Variants in SRRM4 observed in about 807,000 individuals in gnomAD.
SRRM4 encodes the protein serine/arginine repetitive matrix protein 4.
A neutral mutation model predicts 68.9 loss-of-function variants in SRRM4; 33 were observed. The observed-to-expected ratio is 0.48, with a 90% CI of 0.36 to 0.64. SRRM4 has a LOEUF of 0.64. Ranked by LOEUF, SRRM4 falls within the 30% of genes least tolerant of loss-of-function variation. SRRM4 has a pLI of 0.00. For missense variants in SRRM4, 817 were observed against 827.1 expected (o/e 0.99, Z 0.15); for synonymous variants, 318 against 318.8 (o/e 1.00, Z 0.03).
chr12:119,033,178 G>A (rs77264397), intron 1 of SRRM4, among the ~76,000 whole-genome samples: 109 of 151,982 alleles, frequency 7.2e-4, no homozygotes, highest in African/African-American at 2.3e-3. Context: ...AAATGTTCAC[G>A]CTAAAACTTA....
intron 11 of SRRM4, among the ~76,000 whole-genome samples, 199 bp downstream of exon 11, chr12:119,153,848 C>T (rs1407433358): frequency 6.6e-6 from 1 of 152,068 alleles, no homozygotes. Context: ...TGTCTCCAGC[C>T]CAAACAGTCC....
intron 1 of SRRM4, among the ~76,000 whole-genome samples, chr12:119,012,129 G>A (rs1401498371): frequency 6.6e-6 from 1 of 152,190 alleles, no homozygotes; most frequent in Admixed American, 6.5e-5. Flanking sequence ...AAGAGGACCA[G>A]AGCTTTTCTT....
intron 1 of SRRM4, among the ~76,000 whole-genome samples, chr12:119,051,613 C>A (rs1295488926): frequency 1.3e-5 from 2 of 152,274 alleles, no homozygotes; most frequent in Admixed American, 6.5e-5. Flanking sequence ...AATTTGATGA[C>A]CCCAAATTTC....
intron 7 of SRRM4, among the ~76,000 whole-genome samples, chr12:119,127,724 G>A (rs1954270262): frequency 1.1e-5 from 1 of 87,738 alleles, no homozygotes; most frequent in African/African-American, 4.9e-5. Flanking sequence ...GTGAAAGTCT[G>A]TCTCAAAAAA....
intron 1 of SRRM4, among the ~76,000 whole-genome samples, chr12:119,088,361 A>G (rs1270606220): frequency 1.3e-5 from 2 of 152,184 alleles, no homozygotes; most frequent in African/African-American, 4.8e-5. Context: ...ACCCCCCTCA[A>G]CGGTGATTGG....
At chr12:119,145,781 A>G (rs984919111) in intron 9 of SRRM4, 96 bp downstream of exon 9, 2 of 1,097,784 alleles carry the variant, frequency 1.8e-6, no homozygotes, top group Admixed American at 3.6e-5. Flanking sequence ...CACCCCCAAG[A>G]TTATTTTATT....
Position 119,125,436 on chromosome 12 carries a change from C to T in SRRM4, c.571C>T (p.Arg191Trp), listed in dbSNP as rs377276368. 55 of 1,613,548 alleles carry T rather than the reference C, an allele frequency of 3.4e-5. No homozygotes were observed. Among genetic ancestry groups the T allele is most frequent in the South Asian group, 3.0e-4 (27 of 91,010 alleles). Residue 191 changes from arginine to tryptophan, a missense_variant, in exon 7 of 13, where the codon CGG becomes TGG. Coordinates refer to ENST00000267260, the MANE Select transcript of SRRM4 (RefSeq NM_194286.4). ...CCACCGCCATCACCGCTGCCCCTCGCGGTCCCAGAGCTCGGAGTCCCGCCC... is the reference window on the plus strand; with the variant it reads ...CCACCGCCATCACCGCTGCCCCTCGTGGTCCCAGAGCTCGGAGTCCCGCCC... ...HRHRHHRCPSRSQSSESRPSS... is the reference protein window; with the variant it reads ...HRHRHHRCPSWSQSSESRPSS...
chr12:118,986,388 T>C (rs1953282070), intron 1 of SRRM4, among the ~76,000 whole-genome samples: 1 of 152,108 alleles, frequency 6.6e-6, no homozygotes, highest in African/African-American at 2.4e-5. Context: ...GATACAGGGG[T>C]TGGTTGCAGG....
chr12:119,125,936 A>G (rs1954256318), intron 7 of SRRM4, among the ~76,000 whole-genome samples: 1 of 149,920 alleles, frequency 6.7e-6, no homozygotes. Flanking sequence ...AAAAACAAAA[A>G]CAAAAACAAG....
At position 118,981,845 on chromosome 12, in the gene SRRM4, G is replaced by T. The variant is rs780977341; in HGVS notation, c.-38G>T. 6.2e-7 allele frequency: 1 copy of T among 1,602,586 alleles called. No individual in the cohort carries two copies. Among genetic ancestry groups the T allele is most frequent in the South Asian group, 1.1e-5 (1 of 88,716 alleles). ...TTGGAATCCACGTTTCAGCACTTTG[G>T]ACAGCGCCCCGGACGCCCCGGCCCC... On this transcript the variant is annotated 5_prime_UTR_variant, in exon 1 of 13. Coordinates refer to ENST00000267260, the MANE Select transcript of SRRM4 (RefSeq NM_194286.4).
In SRRM4 at chr12:118,981,878, T is replaced by A; in HGVS notation, c.-5T>A. ...CCCGGACGCCCCGGCCCCTTTGGGT[T>A]GGCGATGGCGAGCGTTCAGCAAGGC... On this transcript the variant is annotated 5_prime_UTR_variant, in exon 1 of 13. Transcript: ENST00000267260. 1 of 1,613,344 alleles carries A rather than the reference T, an allele frequency of 6.2e-7. No homozygotes were observed. Among genetic ancestry groups the A allele is most frequent in the Non-Finnish European group, 8.5e-7 (1 of 1,179,590 alleles).
chr12:119,031,537 A>C (rs968842026), intron 1 of SRRM4, among the ~76,000 whole-genome samples: 3 of 152,168 alleles, frequency 2.0e-5, no homozygotes, highest in African/African-American at 7.2e-5. Flanking sequence ...TACATTCTAG[A>C]AGTAGAATTG....
intron 11 of SRRM4, 76 bp downstream of exon 11, chr12:119,153,725 C>A: frequency 9.1e-7 from 1 of 1,096,656 alleles, no homozygotes; most frequent in African/African-American, 1.5e-5. Context: ...CTGGCCCCGC[C>A]TCCCCGTTCT....
intron 2 of SRRM4, among the ~76,000 whole-genome samples, chr12:119,103,536 T>C (rs1954088980): frequency 6.6e-6 from 1 of 152,162 alleles, no homozygotes; most frequent in African/African-American, 2.4e-5. Context: ...GCTACAGGCT[T>C]TAGTTATGCT....
At chr12:119,009,380 C>CT in intron 1 of SRRM4, among the ~76,000 whole-genome samples, 1 of 152,274 alleles carries the variant, frequency 6.6e-6, no homozygotes, top group Middle Eastern at 3.4e-3. Context: ...CCTCTGCTCC[C>CT]TGTCTCAGAG....
In SRRM4 at chr12:118,981,771, C is replaced by G. The variant is rs552178069; in HGVS notation, c.-112C>G. On this transcript the variant is annotated 5_prime_UTR_variant, in exon 1 of 13. Transcript: ENST00000267260. Reference sequence around the variant, plus strand: ...AACTCCGATCTCTCCCACCCCACCCCTCTCTGGGTTTCACCCGGACAGAGC... The same window carrying G: ...AACTCCGATCTCTCCCACCCCACCCGTCTCTGGGTTTCACCCGGACAGAGC... 13 of 1,293,728 alleles carry G rather than the reference C, an allele frequency of 1.0e-5. No individual in the cohort carries two copies. In the South Asian group the frequency reaches 1.2e-4, roughly 12 times the overall value. The allele number at this position is 1,293,728 out of a possible 1,614,324, so 80.1% of individuals were successfully genotyped here.
At chr12:119,059,436 C>T (rs1460702626) in intron 1 of SRRM4, among the ~76,000 whole-genome samples, 1 of 152,086 alleles carries the variant, frequency 6.6e-6, no homozygotes, top group African/African-American at 2.4e-5. Flanking sequence ...AGGAAGCTTA[C>T]AGAGGAAGTA....
chr12:119,001,344 C>T (rs894121114), intron 1 of SRRM4: 1 of 152,178 alleles, frequency 6.6e-6, no homozygotes, highest in Non-Finnish European at 1.5e-5. Context: ...CACAAGGTCC[C>T]CTGGGTGCTA....
In SRRM4 at chr12:118,981,739, C is replaced by T. The variant is rs1953248199; in HGVS notation, c.-144C>T. 1.1e-6 allele frequency: 1 copy of T among 879,500 alleles called. No homozygotes were observed. Among genetic ancestry groups the T allele is most frequent in the Non-Finnish European group, 1.7e-6 (1 of 593,590 alleles). 54.5% of individuals were successfully genotyped at this position (879,500 alleles called of 1,614,324 possible). ...GCCCGGGCTGGGGCGTCCCATCCCC[C>T]GCCCTGAACTCCGATCTCTCCCACC... On this transcript the variant is annotated 5_prime_UTR_variant, in exon 1 of 13. Coordinates refer to ENST00000267260, the MANE Select transcript of SRRM4 (RefSeq NM_194286.4).
Sources: gnomAD v4.1 joint callset for allele counts (sites outside exome capture counted in the v4.1 genomes callset) on GRCh38, gnomAD v4.1.1 for gene constraint, MANE v1.5 for transcripts, NCBI Gene and HGNC (gene_info 2026-07-23, HGNC 2026-07-21) for gene names.